Variants in ULK4 observed in about 807,000 individuals in gnomAD.
The protein encoded by ULK4 is inactive serine/threonine-protein kinase ULK4.
In ULK4, 133 loss-of-function variants were observed where a neutral mutation model predicts 160.6. That is an observed-to-expected ratio of 0.83 (90% CI 0.72 to 0.96). The LOEUF (loss-of-function observed/expected upper bound fraction) is 0.96. Among genes scored for constraint, ULK4 ranks in the 40% least tolerant of loss-of-function variants. The pLI, the probability that ULK4 is intolerant of heterozygous loss-of-function variation, is 0.00. For synonymous variants in ULK4, 534 were observed against 539.8 expected (o/e 0.99, Z 0.15); for missense variants, 1,580 against 1,499.5 (o/e 1.05, Z -0.89).
intron 31 of ULK4, among the ~76,000 whole-genome samples, chr3:41,579,150 G>A (rs1025838418): frequency 6.6e-6 from 1 of 152,154 alleles, no homozygotes; most frequent in African/African-American, 2.4e-5. Flanking sequence ...AGAGGGAAAG[G>A]GAAGGCTTGG....
chr3:41,449,916 T>A (rs559976708), intron 34 of ULK4, among the ~76,000 whole-genome samples: 3 of 148,630 alleles, frequency 2.0e-5, no homozygotes, highest in South Asian at 4.5e-4. Context: ...AGTTGAGGAC[T>A]GGGTCCTAAA....
At chr3:41,886,796 G>A (rs879943868) in intron 16 of ULK4, among the ~76,000 whole-genome samples, 5 of 152,008 alleles carry the variant, frequency 3.3e-5, no homozygotes, top group South Asian at 4.1e-4. Context: ...GGCTGGTCTC[G>A]AACTCCTGAA....
At chr3:41,770,869 T>C (rs186965337) in intron 21 of ULK4, among the ~76,000 whole-genome samples, 2 of 152,302 alleles carry the variant, frequency 1.3e-5, no homozygotes, top group African/African-American at 4.8e-5. Flanking sequence ...CCTCATAGAC[T>C]TTTTCATGAA....
chr3:41,364,943 A>T (rs976495053), intron 35 of ULK4, among the ~76,000 whole-genome samples: 1 of 152,186 alleles, frequency 6.6e-6, no homozygotes, highest in Admixed American at 6.5e-5. Flanking sequence ...AAATGCAGAT[A>T]CTGATTCTGC....
At chr3:41,512,064 T>C (rs564140592) in intron 32 of ULK4, among the ~76,000 whole-genome samples, 7 of 152,184 alleles carry the variant, frequency 4.6e-5, no homozygotes, top group Admixed American at 2.6e-4. Context: ...AAAAAGCATA[T>C]GACAAAATCC....
chr3:41,543,620 T>C (rs1474633004), intron 32 of ULK4, among the ~76,000 whole-genome samples: 1 of 152,190 alleles, frequency 6.6e-6, no homozygotes, highest in African/African-American at 2.4e-5. Context: ...TCTTCATTTT[T>C]TCTATTTCTT....
chr3:41,246,975 G>A lies in ULK4; in HGVS notation c.3782C>T (p.Ala1261Val), dbSNP rs6769117. Residue 1261 changes from alanine (A) to valine (V), a missense_variant, in exon 37 of 37, where the codon GCG (alanine) becomes GTG (valine). Coordinates refer to ENST00000301831, the MANE Select transcript of ULK4 (RefSeq NM_017886.4). Reference sequence around the variant, plus strand: ...GATTTCCAGGGCCAAGGGAGCCACCGCACTGTCGGCAAATGAACTGTAAGA... The same window carrying A: ...GATTTCCAGGGCCAAGGGAGCCACCACACTGTCGGCAAATGAACTGTAAGA... ...APGSGSFADS[A>V]VAPLALEILQ... 14,641 of 1,613,796 alleles carry A rather than the reference G, an allele frequency of 9.1e-3. 138 individuals are homozygous for A. Among genetic ancestry groups the A allele is most frequent in the Middle Eastern group, 0.065 (396 of 6,060 alleles).
At chr3:41,798,828 A>G (rs1325933307) in intron 20 of ULK4, among the ~76,000 whole-genome samples, 1 of 152,154 alleles carries the variant, frequency 6.6e-6, no homozygotes, top group Non-Finnish European at 1.5e-5. Flanking sequence ...TTTGAGAGTC[A>G]GGAAAGGGCA....
intron 35 of ULK4, among the ~76,000 whole-genome samples, chr3:41,355,062 G>A (rs2081001630): frequency 6.6e-6 from 1 of 152,152 alleles, no homozygotes; most frequent in South Asian, 2.1e-4. Context: ...TGTTTGCCAG[G>A]AAAATAACAA....
intron 17 of ULK4, among the ~76,000 whole-genome samples, chr3:41,867,977 G>C (rs1005365415): frequency 1.3e-5 from 2 of 152,104 alleles, no homozygotes; most frequent in Non-Finnish European, 2.9e-5. Context: ...ATCATGGTCA[G>C]AGAACATATT....
At chr3:41,626,875 A>T (rs2033540295) in intron 30 of ULK4, among the ~76,000 whole-genome samples, 1 of 152,134 alleles carries the variant, frequency 6.6e-6, no homozygotes, top group Non-Finnish European at 1.5e-5. Flanking sequence ...CCTATGGAAT[A>T]TGGTGGCCTT....
intron 30 of ULK4, among the ~76,000 whole-genome samples, chr3:41,633,974 C>T (rs1428311633): frequency 6.6e-6 from 1 of 152,178 alleles, no homozygotes; most frequent in Non-Finnish European, 1.5e-5. Flanking sequence ...TCATTAACCT[C>T]ATTCTACAAT....
intron 11 of ULK4, among the ~76,000 whole-genome samples, chr3:41,909,759 G>C (rs1051841938): frequency 6.6e-6 from 1 of 151,938 alleles, no homozygotes; most frequent in African/African-American, 2.4e-5. Context: ...TGTGTAAAAT[G>C]TATATAGATA....
At chr3:41,367,296 T>C (rs2081271941) in intron 35 of ULK4, among the ~76,000 whole-genome samples, 2 of 152,218 alleles carry the variant, frequency 1.3e-5, no homozygotes, top group African/African-American at 4.8e-5. Context: ...AAGTAGATGC[T>C]GCCGAAAGCT....
intron 2 of ULK4, among the ~76,000 whole-genome samples, chr3:41,950,561 G>T (rs1256423124): frequency 6.6e-6 from 1 of 151,236 alleles, no homozygotes; most frequent in African/African-American, 2.4e-5. Flanking sequence ...GCTAATTTTT[G>T]TATCTTTTGC....
intron 35 of ULK4, among the ~76,000 whole-genome samples, chr3:41,397,207 A>G (rs1402587809): frequency 6.6e-6 from 1 of 152,148 alleles, no homozygotes; most frequent in African/African-American, 2.4e-5. Context: ...GGAAAGATTT[A>G]CTGTAGAAAG....
chr3:41,332,107 A>G (rs1301053785), intron 35 of ULK4, among the ~76,000 whole-genome samples: 4 of 151,582 alleles, frequency 2.6e-5, no homozygotes, highest in Non-Finnish European at 4.4e-5. Context: ...AAAGTTCATG[A>G]CTCTTTCTTT....
chr3:41,534,270 A>C (rs368544426), intron 32 of ULK4, among the ~76,000 whole-genome samples: 3 of 152,180 alleles, frequency 2.0e-5, no homozygotes, highest in East Asian at 3.8e-4. Context: ...AACTTCTTTA[A>C]ATGCTTCTTT....
At chr3:41,754,049 A>G (rs933196178) in intron 22 of ULK4, among the ~76,000 whole-genome samples, 4 of 152,098 alleles carry the variant, frequency 2.6e-5, no homozygotes, top group African/African-American at 4.8e-5. Context: ...CCATGATCCA[A>G]TTACTCCCAC....
Sources: gnomAD v4.1 joint callset for allele counts (sites outside exome capture counted in the v4.1 genomes callset) on GRCh38, gnomAD v4.1.1 for gene constraint, MANE v1.5 for transcripts, NCBI Gene and HGNC (gene_info 2026-07-23, HGNC 2026-07-21) for gene names.